Variants in TAS2R1 observed in about 807,000 individuals in gnomAD.
The protein encoded by TAS2R1 is taste receptor type 2 member 1.
For missense variants in TAS2R1, 370 were observed against 353.4 expected, an observed-to-expected ratio of 1.05 and a Z score of -0.38; for synonymous variants, 141 against 134.2, an observed-to-expected ratio of 1.05 and a Z score of -0.35.
At chr5:9,635,423 C>T (rs1297111605) in intron 2 of TAS2R1, among the ~76,000 whole-genome samples, 2 of 151,852 alleles carry the variant, frequency 1.3e-5, no homozygotes, top group Non-Finnish European at 2.9e-5. Flanking sequence ...TTGTTATGTC[C>T]TTTCCTGGTT....
chr5:9,801,295 T>A, the TAS2R1 span, among the ~76,000 whole-genome samples: 2 of 152,246 alleles, frequency 1.3e-5, no homozygotes, highest in Non-Finnish European at 2.9e-5. Flanking sequence ...GGCACCTTGA[T>A]GCAAGACCAC....
At chr5:9,713,363 G>A (rs1276043102), upstream of TAS2R1, 1 of 152,086 alleles carries the variant, frequency 6.6e-6, no homozygotes, top group African/African-American at 2.4e-5. Context: ...GTAATTTAGG[G>A]GGAAACAGAA....
At chr5:9,795,736 G>A in the TAS2R1 span, among the ~76,000 whole-genome samples, 1 of 152,126 alleles carries the variant, frequency 6.6e-6, no homozygotes, top group Non-Finnish European at 1.5e-5. Context: ...CCCAATCTAA[G>A]CTCTAATTCA....
chr5:9,835,511 C>G, the TAS2R1 span, among the ~76,000 whole-genome samples: 1 of 152,198 alleles, frequency 6.6e-6, no homozygotes, highest in Non-Finnish European at 1.5e-5. Context: ...CTTGCTGTCA[C>G]CTATTCAGCC....
chr5:9,663,973 C>T (rs1740583976), intron 1 of TAS2R1, among the ~76,000 whole-genome samples: 4 of 152,192 alleles, frequency 2.6e-5, no homozygotes, highest in Admixed American at 6.5e-5. Flanking sequence ...AAAGATTTCC[C>T]TCAGAGCCTC....
chr5:9,774,106 C>T, the TAS2R1 span, among the ~76,000 whole-genome samples: 1 of 152,128 alleles, frequency 6.6e-6, no homozygotes, highest in Non-Finnish European at 1.5e-5. Flanking sequence ...TGCATTCTTT[C>T]TTACTCTGCT....
chr5:9,649,210 G>A (rs558581206), intron 2 of TAS2R1, among the ~76,000 whole-genome samples: 1 of 152,266 alleles, frequency 6.6e-6, no homozygotes, highest in African/African-American at 2.4e-5. Context: ...CAAAAGTCAT[G>A]CATGGAATTC....
chr5:9,664,497 C>A (rs998106363), intron 1 of TAS2R1, among the ~76,000 whole-genome samples: 1 of 152,306 alleles, frequency 6.6e-6, no homozygotes, highest in Non-Finnish European at 1.5e-5. Flanking sequence ...GGTATATATT[C>A]CATAACGATT....
At chr5:9,861,006 C>T in the TAS2R1 span, among the ~76,000 whole-genome samples, 1 of 129,184 alleles carries the variant, frequency 7.7e-6, no homozygotes, top group South Asian at 2.6e-4. Flanking sequence ...AAGTTGCAAA[C>T]TGACTGTAAT....
At chr5:9,881,830 T>C in the TAS2R1 span, among the ~76,000 whole-genome samples, 1 of 152,198 alleles carries the variant, frequency 6.6e-6, no homozygotes, top group African/African-American at 2.4e-5. Flanking sequence ...ACTGGGCCCC[T>C]TCCTTATAAC....
chr5:9,743,196 T>A, the TAS2R1 span, among the ~76,000 whole-genome samples: 1 of 152,342 alleles, frequency 6.6e-6, no homozygotes, highest in East Asian at 1.9e-4. Flanking sequence ...TTACTGTTAA[T>A]TAGTGCAGAG....
the TAS2R1 span, among the ~76,000 whole-genome samples, chr5:9,832,499 T>C: frequency 6.6e-6 from 1 of 152,204 alleles, no homozygotes; most frequent in Admixed American, 6.5e-5. Flanking sequence ...AGGGTTCTCC[T>C]GTAGCTGGAA....
At chr5:9,724,340 CTTTCTT>C in the TAS2R1 span, among the ~76,000 whole-genome samples, 6 of 124,090 alleles carry the variant, frequency 4.8e-5, no homozygotes, top group African/African-American at 2.1e-4. Context: ...TTAGATGTTT[CTTTCTT>C]TTTTTTTTTT....
chr5:9,765,150 AAAC>A, the TAS2R1 span, among the ~76,000 whole-genome samples: 1 of 152,166 alleles, frequency 6.6e-6, no homozygotes, highest in Non-Finnish European at 1.5e-5. Flanking sequence ...GGCAGAAACA[AAAC>A]AACATTAAAA....
At chr5:9,899,530 G>A in the TAS2R1 span, among the ~76,000 whole-genome samples, 1 of 151,778 alleles carries the variant, frequency 6.6e-6, no homozygotes, top group Non-Finnish European at 1.5e-5. Flanking sequence ...CCAGCTACTC[G>A]GGAGGCTGAG....
At chr5:9,701,448 G>C (rs532156732) in intron 1 of TAS2R1, among the ~76,000 whole-genome samples, 1 of 152,206 alleles carries the variant, frequency 6.6e-6, no homozygotes, top group South Asian at 2.1e-4. Context: ...AAATATGAAA[G>C]GGTGACATTG....
chr5:9,731,360 C>T, the TAS2R1 span, among the ~76,000 whole-genome samples: 7 of 152,168 alleles, frequency 4.6e-5, no homozygotes, highest in South Asian at 4.1e-4. Flanking sequence ...AACTCAGCCG[C>T]GGCACCCCCT....
At chr5:9,705,736 G>A (rs1404373337) in intron 1 of TAS2R1, among the ~76,000 whole-genome samples, 5 of 152,024 alleles carry the variant, frequency 3.3e-5, no homozygotes, top group Non-Finnish European at 5.9e-5. Context: ...GGTGCATGTC[G>A]GTAATCCCAG....
chr5:9,669,837 C>T (rs1021655067), intron 1 of TAS2R1, among the ~76,000 whole-genome samples: 6 of 152,078 alleles, frequency 3.9e-5, no homozygotes, highest in African/African-American at 1.4e-4. Context: ...CAACTAACAT[C>T]ACAGCTAGAG....
Sources: allele counts gnomAD v4.1 joint callset (sites outside exome capture counted in the v4.1 genomes callset), GRCh38; gene constraint gnomAD v4.1.1; transcripts MANE v1.5; gene names NCBI Gene and HGNC (gene_info 2026-07-23, HGNC 2026-07-21).